Variants in HEATR5B observed in about 807,000 individuals in gnomAD.
The protein encoded by HEATR5B is HEAT repeat containing 5B.
A neutral mutation model predicts 224.1 loss-of-function variants in HEATR5B; 156 were observed. That is an observed-to-expected ratio of 0.70 (90% confidence interval 0.61 to 0.80). The LOEUF is 0.80. Ranked by LOEUF, HEATR5B falls within the 30% of genes least tolerant of loss-of-function variation. The pLI is 0.00. For synonymous variants in HEATR5B, 1,027 were observed against 893.0 expected, an observed-to-expected ratio of 1.15 and a Z score of -2.68; for missense variants, 2,323 against 2,535.5, an observed-to-expected ratio of 0.92 and a Z score of 1.80.
intron 7 of HEATR5B, among the ~76,000 whole-genome samples, chr2:37,069,695 C>T (rs1671790041): frequency 6.6e-6 from 1 of 152,112 alleles, no homozygotes; most frequent in African/African-American, 2.4e-5. Flanking sequence ...GATATTTACA[C>T]AAATATGGTA....
At chr2:37,009,248 C>G (rs1421013044) in intron 27 of HEATR5B, among the ~76,000 whole-genome samples, 3 of 110,638 alleles carry the variant, frequency 2.7e-5, no homozygotes, top group African/African-American at 1.2e-4. Flanking sequence ...CAAAGTGAGA[C>G]TCTGTCTCAA....
At position 37,010,297 on chromosome 2, in the gene HEATR5B, A is replaced by T. The variant is rs554441335; in HGVS notation, c.4285-1449T>A. On this transcript the variant is annotated intron_variant, in intron 27 of 35. Transcript: ENST00000233099. Reference sequence around the variant, plus strand: ...TTACATCCATTGTACCTAACGAGAAAGCCTAAGTATGGTATCTGTATAGGT... The same window carrying T: ...TTACATCCATTGTACCTAACGAGAATGCCTAAGTATGGTATCTGTATAGGT... Among the ~76,000 whole-genome samples the T allele has an allele frequency of 2.0e-5, 3 of 152,226 alleles. No individual in the cohort carries two copies. In the South Asian group the frequency reaches 6.2e-4, roughly 32 times the overall value.
intron 18 of HEATR5B, among the ~76,000 whole-genome samples, chr2:37,044,165 C>G (rs979985094): frequency 6.6e-6 from 1 of 152,184 alleles, no homozygotes; most frequent in African/African-American, 2.4e-5. Flanking sequence ...GGGCAAGATA[C>G]ATTTCAACTG....
chr2:37,028,439 T>C (rs1047909324), intron 23 of HEATR5B, among the ~76,000 whole-genome samples: 1 of 152,126 alleles, frequency 6.6e-6, no homozygotes, highest in Non-Finnish European at 1.5e-5. Context: ...TTTTTATACA[T>C]GAAAATTTAG....
intron 18 of HEATR5B, among the ~76,000 whole-genome samples, chr2:37,044,967 CA>C (rs1424067340): frequency 6.6e-6 from 1 of 152,166 alleles, no homozygotes; most frequent in Non-Finnish European, 1.5e-5. Flanking sequence ...TACACAAATA[CA>C]GCTGACTGAC....
intron 33 of HEATR5B, among the ~76,000 whole-genome samples, chr2:36,994,821 A>G (rs1666578808): frequency 6.6e-6 from 1 of 152,124 alleles, no homozygotes; most frequent in African/African-American, 2.4e-5. Context: ...GCGCGATCTC[A>G]GCTCACTGCA....
At chr2:36,996,419 C>T in intron 33 of HEATR5B, among the ~76,000 whole-genome samples, 1 of 149,054 alleles carries the variant, frequency 6.7e-6, no homozygotes, top group Non-Finnish European at 1.5e-5. Flanking sequence ...GATGTGTGTT[C>T]TTTTCTTTCT....
intron 27 of HEATR5B, among the ~76,000 whole-genome samples, chr2:37,013,188 T>C (rs1329985564): frequency 6.6e-6 from 1 of 152,214 alleles, no homozygotes; most frequent in Non-Finnish European, 1.5e-5. Context: ...TGGTTTCAGT[T>C]ACCTGTTGCT....
intron 31 of HEATR5B, among the ~76,000 whole-genome samples, chr2:37,002,874 T>C (rs1351376888): frequency 1.3e-5 from 2 of 152,180 alleles, no homozygotes; most frequent in African/African-American, 2.4e-5. Context: ...AGGTGAAAAA[T>C]AGTCGACTCT....
intron 29 of HEATR5B, among the ~76,000 whole-genome samples, chr2:37,006,497 C>T (rs990795442): frequency 3.9e-5 from 6 of 152,064 alleles, no homozygotes; most frequent in East Asian, 3.9e-4. Context: ...CAAAATTACC[C>T]GGGCGTGGTG....
rs141815198 is a variant in HEATR5B at position 37,025,561 on chromosome 2, T to C, written c.3853+2362A>G. ...ACCTTAGAGAGTAAAAAGGATATGA[T>C]ACAATGGAGGTGGGAGAAACGTAGA... On this transcript the variant is annotated intron_variant, in intron 24 of 35. Transcript: ENST00000233099. Among the ~76,000 whole-genome samples, 143 of 148,110 alleles carry C rather than the reference T, an allele frequency of 9.7e-4. 2 individuals are homozygous for C. The East Asian group carries it at 0.024, about 25-fold the overall frequency.
chr2:37,049,011 G>T (rs1209349657), intron 18 of HEATR5B, among the ~76,000 whole-genome samples: 2 of 152,154 alleles, frequency 1.3e-5, no homozygotes, highest in Non-Finnish European at 2.9e-5. Flanking sequence ...ACAAGTGTCA[G>T]TTCTTGACAA....
At chr2:36,998,794 G>A (rs1191423982) in intron 33 of HEATR5B, among the ~76,000 whole-genome samples, 1 of 151,896 alleles carries the variant, frequency 6.6e-6, no homozygotes, top group Non-Finnish European at 1.5e-5. Flanking sequence ...TTTTAAAACA[G>A]AAATATATAT....
At chr2:37,044,414 T>G (rs1670061482) in intron 18 of HEATR5B, among the ~76,000 whole-genome samples, 1 of 152,240 alleles carries the variant, frequency 6.6e-6, no homozygotes, top group Non-Finnish European at 1.5e-5. Context: ...ACAAAGCTTT[T>G]AAGATTCATC....
At chr2:37,063,342 A>G (rs529170641) in intron 10 of HEATR5B, among the ~76,000 whole-genome samples, 39 of 152,322 alleles carry the variant, frequency 2.6e-4, no homozygotes, top group African/African-American at 9.1e-4. Context: ...GAAAAAGGCC[A>G]GGGAAGGAAG....
At chr2:37,074,947 T>A (rs188433434) in intron 5 of HEATR5B, among the ~76,000 whole-genome samples, 1 of 152,298 alleles carries the variant, frequency 6.6e-6, no homozygotes, top group Non-Finnish European at 1.5e-5. Context: ...GGAAGAGAAA[T>A]TCTCATACAC....
Position 37,072,133 on chromosome 2 carries a change from G to C in HEATR5B, c.746C>G (p.Ala249Gly). The C allele has an allele frequency of 6.2e-7, 1 of 1,613,548 alleles. No individual in the cohort carries two copies. The highest frequency in any genetic ancestry group is 8.5e-7 in the Non-Finnish European group (1 of 1,179,706). ...SKLLGTVMAT[A>G]LMPKQATVMR... ...ACCTGTTGCCTGTTTTGGCATTAAT[G>C]CTGTGGCCATGACTGTTCCTAAAAG... is the stretch of plus-strand genomic sequence containing the variant. Residue 249 changes from alanine (A) to glycine (G), a missense_variant, in exon 6 of 36, where the codon GCA becomes GGA. Ala to Gly is a moderately conservative substitution (Grantham distance 60). Transcript: ENST00000233099.
intron 7 of HEATR5B, among the ~76,000 whole-genome samples, 189 bp from the exon 8 acceptor site, chr2:37,069,119 G>C (rs940729646): frequency 6.6e-6 from 1 of 152,084 alleles, no homozygotes; most frequent in African/African-American, 2.4e-5. Context: ...AAGTATCTTT[G>C]ACCAAAAAAC....
chr2:37,029,496 T>C (rs574682925), intron 22 of HEATR5B, among the ~76,000 whole-genome samples: 32 of 152,174 alleles, frequency 2.1e-4, no homozygotes, highest in African/African-American at 7.2e-4. Context: ...AAACCCCGTC[T>C]CTACTAAAAA....
Sources: allele counts gnomAD v4.1 joint callset (sites outside exome capture counted in the v4.1 genomes callset), GRCh38; gene constraint gnomAD v4.1.1; transcripts MANE v1.5; gene names NCBI Gene and HGNC (gene_info 2026-07-23, HGNC 2026-07-21).